Variants in PRKG1 observed in about 807,000 individuals in gnomAD.
PRKG1 encodes cGMP-dependent protein kinase 1.
Under a neutral mutation model 88.1 loss-of-function variants are expected in PRKG1, and 35 were observed. The ratio of observed to expected loss-of-function variants is 0.40; its 90% CI spans 0.30 to 0.53. PRKG1 has a LOEUF of 0.53. Ranked by LOEUF, PRKG1 falls within the 20% of genes least tolerant of loss-of-function variation. The pLI is 0.59. For missense variants in PRKG1, 540 were observed against 839.8 expected (o/e 0.64, Z 4.41); for synonymous variants, 303 against 292.5 (o/e 1.04, Z -0.37).
At chr10:51,619,732 T>G (rs1190480036) in intron 3 of PRKG1, among the ~76,000 whole-genome samples, 2 of 152,192 alleles carry the variant, frequency 1.3e-5, no homozygotes, top group East Asian at 3.8e-4. Context: ...TAAAAGATTT[T>G]AGAGATTATA....
intron 4 of PRKG1, among the ~76,000 whole-genome samples, chr10:51,848,245 T>A (rs537597094): frequency 6.6e-6 from 1 of 152,280 alleles, no homozygotes; most frequent in African/African-American, 2.4e-5. Flanking sequence ...TTAGTGAGAC[T>A]CAAATTGAAA....
intron 3 of PRKG1, among the ~76,000 whole-genome samples, chr10:51,474,436 A>G (rs1440188619): frequency 6.6e-6 from 1 of 152,036 alleles, no homozygotes. Context: ...TGTTAAGTAC[A>G]TCTGTTGTAA....
intron 5 of PRKG1, among the ~76,000 whole-genome samples, chr10:52,006,247 A>G (rs1168321465): frequency 2.0e-5 from 3 of 152,154 alleles, no homozygotes; most frequent in Admixed American, 6.5e-5. Context: ...CCAAATGACC[A>G]CACTTGTTCC....
intron 1 of PRKG1, among the ~76,000 whole-genome samples, chr10:51,063,835 G>A (rs1275213027): frequency 1.3e-5 from 2 of 152,116 alleles, no homozygotes; most frequent in Non-Finnish European, 2.9e-5. Context: ...ATATGGAGTA[G>A]AACATTTGGA....
At chr10:51,348,732 C>G (rs535030245) in intron 2 of PRKG1, among the ~76,000 whole-genome samples, 1 of 152,286 alleles carries the variant, frequency 6.6e-6, no homozygotes, top group South Asian at 2.1e-4. Context: ...ATCTACTGCA[C>G]TTACCTCTAA....
At chr10:51,513,623 G>T (rs1412161061) in intron 3 of PRKG1, among the ~76,000 whole-genome samples, 63 of 71,834 alleles carry the variant, frequency 8.8e-4, no homozygotes, top group East Asian at 7.6e-3. Context: ...AAATGTAAAA[G>T]AACAGAAATT....
At chr10:51,679,569 T>C (rs569278707) in intron 3 of PRKG1, among the ~76,000 whole-genome samples, 2 of 152,182 alleles carry the variant, frequency 1.3e-5, no homozygotes, top group African/African-American at 4.8e-5. Context: ...TCAAACTCCT[T>C]AGCTTATCTC....
At chr10:51,490,973 A>G (rs1840694475) in intron 3 of PRKG1, among the ~76,000 whole-genome samples, 1 of 152,056 alleles carries the variant, frequency 6.6e-6, no homozygotes, top group Non-Finnish European at 1.5e-5. Flanking sequence ...GATAGAAAGG[A>G]ACACCCCAAT....
chr10:52,158,069 G>A (rs773752954), intron 8 of PRKG1, among the ~76,000 whole-genome samples: 11 of 151,518 alleles, frequency 7.3e-5, no homozygotes, highest in Non-Finnish European at 1.2e-4. Context: ...CCATTTGCTC[G>A]GTAACATGTC....
chr10:51,115,836 G>GA (rs548541486), intron 1 of PRKG1, among the ~76,000 whole-genome samples: 103,193 of 131,046 alleles, frequency 0.79, 40,851 homozygotes, highest in South Asian at 0.86. Context: ...ACTCCATCTC[G>GA]AAAAAAAAAA....
At chr10:51,458,495 C>T (rs981980772) in intron 2 of PRKG1, among the ~76,000 whole-genome samples, 1 of 151,194 alleles carries the variant, frequency 6.6e-6, no homozygotes, top group South Asian at 2.1e-4. Context: ...TTAGTTTATG[C>T]TAATATTAAC....
chr10:51,304,930 G>A (rs1840997549), intron 2 of PRKG1, among the ~76,000 whole-genome samples: 1 of 152,090 alleles, frequency 6.6e-6, no homozygotes, highest in Non-Finnish European at 1.5e-5. Context: ...CTTGTAAGGG[G>A]TAGAGAGAGC....
intron 7 of PRKG1, among the ~76,000 whole-genome samples, chr10:52,124,249 G>A (rs1268790644): frequency 6.6e-6 from 1 of 152,094 alleles, no homozygotes. Flanking sequence ...TGCTAGCATC[G>A]TAGAGTCTAC....
At chr10:51,974,240 G>A (rs1468052900) in intron 5 of PRKG1, among the ~76,000 whole-genome samples, 1 of 152,064 alleles carries the variant, frequency 6.6e-6, no homozygotes, top group Non-Finnish European at 1.5e-5. Context: ...CAGCATTAGG[G>A]TTCTGTTAGC....
chr10:51,693,338 T>C lies in PRKG1; in HGVS notation c.593-111247T>C, dbSNP rs1470912987. Among the ~76,000 whole-genome samples, 6 of 151,938 alleles carry C rather than the reference T, an allele frequency of 3.9e-5. No individual in the cohort carries two copies. In the East Asian group the frequency reaches 1.2e-3, roughly 29 times the overall value. ...ATTTGGTAAATATTTGGGTGCTTTT[T>C]AATAGTATTTAATAAGCACCAGGTT... On this transcript the variant is annotated intron_variant, in intron 3 of 17. Transcript: ENST00000373980.
At chr10:51,652,099 A>G (rs967811018) in intron 3 of PRKG1, among the ~76,000 whole-genome samples, 1 of 152,164 alleles carries the variant, frequency 6.6e-6, no homozygotes, top group Admixed American at 6.5e-5. Flanking sequence ...TAATAACTTT[A>G]TTTTAAGAGA....
chr10:52,003,940 T>C (rs1371878009), intron 5 of PRKG1, among the ~76,000 whole-genome samples: 2 of 152,190 alleles, frequency 1.3e-5, no homozygotes, highest in Non-Finnish European at 1.5e-5. Context: ...AGAAAGTCAT[T>C]TAACCTCTCT....
intron 2 of PRKG1, among the ~76,000 whole-genome samples, chr10:51,385,033 A>C (rs1837215741): frequency 6.6e-6 from 1 of 152,222 alleles, no homozygotes; most frequent in South Asian, 2.1e-4. Flanking sequence ...CTTGTTGTTG[A>C]TGTAGGAAAA....
chr10:52,112,266 AT>A (rs1368544158), intron 7 of PRKG1, among the ~76,000 whole-genome samples: 2 of 152,150 alleles, frequency 1.3e-5, no homozygotes, highest in Non-Finnish European at 2.9e-5. Context: ...AGCTTGTGGA[AT>A]TTATAACTTT....
Sources: allele counts gnomAD v4.1 joint callset (sites outside exome capture counted in the v4.1 genomes callset), GRCh38; gene constraint gnomAD v4.1.1; transcripts MANE v1.5; gene names NCBI Gene and HGNC (gene_info 2026-07-23, HGNC 2026-07-21).